The following CIMAP1D variants were observed in gnomAD, a reference collection of about 807,000 sequenced individuals.
CIMAP1D encodes protein CIMAP1D.
At chr19:480,255 G>T in the CIMAP1D span, among the ~76,000 whole-genome samples, 7 of 152,220 alleles carry the variant, frequency 4.6e-5, no homozygotes, top group African/African-American at 1.7e-4. Context: ...AAGAGGAGCC[G>T]GGAGGAAGCC....
At chr19:481,538 G>GGGAAGGATGATAGGGAAGGATGATGGGA in the CIMAP1D span, among the ~76,000 whole-genome samples, 3 of 72,734 alleles carry the variant, frequency 4.1e-5, no homozygotes, top group Non-Finnish European at 6.1e-5. Flanking sequence ...AAGGATGATG[G>GGGAAGGATGATAGGGAAGGATGATGGGA]AGGATGATGG....
chr19:477,624 C>T, the CIMAP1D span, among the ~76,000 whole-genome samples: 1 of 152,232 alleles, frequency 6.6e-6, no homozygotes, highest in South Asian at 2.1e-4. Flanking sequence ...CGCCTCCTCC[C>T]CATCCCAAAA....
At chr19:472,927 T>C in the CIMAP1D span, among the ~76,000 whole-genome samples, 21,476 of 66,426 alleles carry the variant, frequency 0.32, 3,894 homozygotes, top group Non-Finnish European at 0.42. Context: ...AACTGAGGCC[T>C]AGGCAGAGAT....
chr19:481,369 T>C, the CIMAP1D span, among the ~76,000 whole-genome samples: 8 of 120,704 alleles, frequency 6.6e-5, no homozygotes, highest in South Asian at 2.2e-3. Context: ...TGGAGAACGA[T>C]GATGGAGAAG....
the CIMAP1D span, among the ~76,000 whole-genome samples, chr19:483,663 C>T: frequency 3.9e-5 from 6 of 152,266 alleles, no homozygotes; most frequent in South Asian, 4.1e-4. Flanking sequence ...CTGCAGTGGC[C>T]GGGACCACCC....
chr19:465,873 TGGGTGGGTGGATGGGCG>T, the CIMAP1D span, among the ~76,000 whole-genome samples: 5 of 34,330 alleles, frequency 1.5e-4, no homozygotes, highest in East Asian at 8.0e-4. Context: ...GGTGGGTGGA[TGGGTGGGTGGATGGGCG>T]GGTGGATGGA....
chr19:481,413 GAAGGATGATGGA>G, the CIMAP1D span, among the ~76,000 whole-genome samples: 1,470 of 74,192 alleles, frequency 0.02, 36 homozygotes, highest in Non-Finnish European at 0.021. Flanking sequence ...AGGATGATGG[GAAGGATGATGGA>G]GAAGGATGAT....
the CIMAP1D span, among the ~76,000 whole-genome samples, chr19:465,113 G>GGATGGATA: frequency 2.1e-5 from 3 of 142,400 alleles, no homozygotes; most frequent in South Asian, 7.0e-4. Flanking sequence ...GTGGGTGGAT[G>GGATGGATA]GATGGATGGG....
At chr19:491,380 T>A in the CIMAP1D span, among the ~76,000 whole-genome samples, 56 of 152,328 alleles carry the variant, frequency 3.7e-4, 1 homozygote, top group African/African-American at 1.3e-3. Context: ...GGGCGGTTCA[T>A]AGACAATTTC....
chr19:488,411 A>G, the CIMAP1D span, among the ~76,000 whole-genome samples: 1 of 151,726 alleles, frequency 6.6e-6, no homozygotes, highest in East Asian at 1.9e-4. Flanking sequence ...AGTCCCAGCT[A>G]CTCGGGAGGC....
the CIMAP1D span, among the ~76,000 whole-genome samples, chr19:476,299 C>T: frequency 2.0e-5 from 3 of 151,884 alleles, no homozygotes; most frequent in East Asian, 1.9e-4. Context: ...GTGATCCAAC[C>T]GCCTCAGCCT....
At chr19:491,286 A>C in the CIMAP1D span, among the ~76,000 whole-genome samples, 3 of 152,182 alleles carry the variant, frequency 2.0e-5, no homozygotes, top group Admixed American at 6.5e-5. Flanking sequence ...AAAAAAAAGA[A>C]GGCTTTTAAA....
chr19:484,946 G>T, the CIMAP1D span, among the ~76,000 whole-genome samples: 2 of 152,168 alleles, frequency 1.3e-5, no homozygotes, highest in Non-Finnish European at 2.9e-5. Context: ...AAGCCCGGGG[G>T]AGGCGAGCAC....
At chr19:472,526 C>T in the CIMAP1D span, 1 of 1,475,196 alleles carries the variant, frequency 6.8e-7, no homozygotes. Context: ...CCTCAGGTCA[C>T]CTCCTGGGCC....
At chr19:483,271 C>T in the CIMAP1D span, among the ~76,000 whole-genome samples, 2,971 of 150,288 alleles carry the variant, frequency 0.02, 67 homozygotes, top group East Asian at 0.069. Flanking sequence ...CACCCACCCC[C>T]ACCTCCTCAG....
the CIMAP1D span, among the ~76,000 whole-genome samples, chr19:481,050 G>GAAGGATGATGGA: frequency 6.8e-6 from 1 of 146,312 alleles, no homozygotes; most frequent in Non-Finnish European, 1.5e-5. Context: ...GGATGATGGG[G>GAAGGATGATGGA]AAGGATGATG....
chr19:481,480 G>A, the CIMAP1D span, among the ~76,000 whole-genome samples: 1 of 114,580 alleles, frequency 8.7e-6, no homozygotes, highest in African/African-American at 3.1e-5. Flanking sequence ...TGATGGGGAA[G>A]GATGATGGGA....
the CIMAP1D span, among the ~76,000 whole-genome samples, chr19:485,246 G>T: frequency 2.0e-5 from 3 of 152,164 alleles, no homozygotes; most frequent in African/African-American, 4.8e-5. Flanking sequence ...ACGTGGGTGC[G>T]CACGATGAGG....
the CIMAP1D span, among the ~76,000 whole-genome samples, chr19:466,670 A>G: frequency 7.6e-6 from 1 of 131,146 alleles, no homozygotes; most frequent in Non-Finnish European, 1.6e-5. Context: ...AGGTGGGTGG[A>G]TGGATGAGTG....
Sources: allele counts gnomAD v4.1 joint callset (sites outside exome capture counted in the v4.1 genomes callset), GRCh38; gene constraint gnomAD v4.1.1; transcripts MANE v1.5; gene names NCBI Gene and HGNC (gene_info 2026-07-23, HGNC 2026-07-21).